SLC9A1: variants seen among roughly 807,000 people sequenced by gnomAD.
The protein encoded by SLC9A1 is sodium/hydrogen exchanger 1.
In SLC9A1, 22 loss-of-function variants were observed where a neutral mutation model predicts 67.9. The observed-to-expected ratio is 0.32, with a 90% CI of 0.23 to 0.46. The LOEUF (loss-of-function observed/expected upper bound fraction) is 0.46. SLC9A1 is among the 20% of genes least tolerant of loss of function. The probability of loss-of-function intolerance (pLI) is 1.00; values close to 1 mark genes in which losing one functional copy is unlikely to be tolerated. For missense variants in SLC9A1, 686 were observed against 1,094.8 expected (o/e 0.63, Z 5.27); for synonymous variants, 421 against 471.8 (o/e 0.89, Z 1.40).
intron 1 of SLC9A1, among the ~76,000 whole-genome samples, chr1:27,152,273 AGTCATGCT>A (rs1001426109): frequency 6.6e-6 from 1 of 152,194 alleles, no homozygotes; most frequent in African/African-American, 2.4e-5. Context: ...GGGTCTCTGC[AGTCATGCT>A]GTCATCCCAC....
rs958670467 is a variant in SLC9A1 at position 27,109,442 on chromosome 1, C to T, written c.1064+85G>A. On this transcript the variant is annotated intron_variant, in intron 3 of 11. Transcript: ENST00000263980. The surrounding 1 kb of genome is among the most constrained non-coding windows in gnomAD (Gnocchi z 5.5). ...GCTCAAGGCTGGGCCCTGGGAGCTC[C>T]GTGAACCTACGAGCCTGGGGAATCC... 6.8e-6 allele frequency: 10 copies of T among 1,464,264 alleles called. No individual in the cohort carries two copies. The highest frequency in any genetic ancestry group is 2.4e-5 in the South Asian group (2 of 84,108). The allele number at this position is 1,464,264 out of a possible 1,614,324, so 90.7% of individuals were successfully genotyped here. A position where few individuals can be genotyped will look rare whatever the true frequency, so the allele number is the denominator to read the frequency against.
intron 1 of SLC9A1, among the ~76,000 whole-genome samples, chr1:27,130,911 C>A (rs779139430): frequency 6.6e-6 from 1 of 152,220 alleles, no homozygotes; most frequent in Non-Finnish European, 1.5e-5. Context: ...GGGCCAAGGG[C>A]TCCAGGCAGG....
intron 1 of SLC9A1, among the ~76,000 whole-genome samples, chr1:27,120,601 G>A (rs909357426): frequency 1.3e-5 from 2 of 151,886 alleles, no homozygotes; most frequent in Non-Finnish European, 2.9e-5. Context: ...AGCCAGGTGT[G>A]GTGGCAGGCG....
intron 1 of SLC9A1, among the ~76,000 whole-genome samples, chr1:27,120,597 G>T (rs1450882244): frequency 6.6e-6 from 1 of 151,934 alleles, no homozygotes; most frequent in Non-Finnish European, 1.5e-5. Flanking sequence ...AATTAGCCAG[G>T]TGTGGTGGCA....
intron 1 of SLC9A1, among the ~76,000 whole-genome samples, chr1:27,139,316 T>C (rs541017131): frequency 6.6e-6 from 1 of 152,264 alleles, no homozygotes; most frequent in East Asian, 1.9e-4. Context: ...TCCAGCCACA[T>C]TTCTCCCCTT....
At chr1:27,124,192 G>T (rs1465460545) in intron 1 of SLC9A1, among the ~76,000 whole-genome samples, 3 of 152,116 alleles carry the variant, frequency 2.0e-5, no homozygotes. Context: ...GGGCAGAGGT[G>T]GGGGAAGAAA....
rs1474344479 is a variant in SLC9A1, at chr1:27,118,489, C to A, written c.353-4203G>T. Among the ~76,000 whole-genome samples, 1 of 152,190 alleles carries A rather than the reference C, an allele frequency of 6.6e-6. No individual in the cohort carries two copies. The highest frequency in any genetic ancestry group is 6.5e-5 in the Admixed American group (1 of 15,278). ...CAACTGCGCTCACTCTGCATCCCTG[C>A]AGAGTCCCCACAAAGAGCAGGATGC... is the stretch of plus-strand genomic sequence containing the variant. On this transcript the variant is annotated intron_variant, in intron 1 of 11. Transcript: ENST00000263980. The surrounding 1 kb of genome is among the most constrained non-coding windows in gnomAD (Gnocchi z 4.3).
Position 27,114,071 on chromosome 1 carries a change from G to C in SLC9A1, c.568C>G (p.Leu190Val). The change falls in exon 2 of 12, where the codon CTG becomes GTG. Residue 190 changes from leucine (L) to valine (V), a missense_variant. Around this residue, in one of 7 missense-constraint regions of SLC9A1, gnomAD observed 49 missense variants for 73.1 expected, o/e 0.67. Transcript: ENST00000263980. This position sits in a 1 kb window ranked among gnomAD's most constrained non-coding sequence, Gnocchi z 5.4. The stretch of plus-strand genomic sequence containing the variant: ...AGCGTGCCCACCACGGCAAAGATCA[G>C]GATGGTGCCCAGGTTTTCTGTGAAC... ...RQFTENLGTI[L>V]IFAVVGTLWN... is the part of the protein sequence containing the mutation. The C allele has an allele frequency of 1.2e-6, 2 of 1,614,158 alleles. No homozygotes were observed. Among genetic ancestry groups the C allele is most frequent in the Non-Finnish European group, 1.7e-6 (2 of 1,180,030 alleles).
intron 1 of SLC9A1, among the ~76,000 whole-genome samples, chr1:27,126,983 T>C (rs1463389872): frequency 6.6e-6 from 1 of 151,542 alleles, no homozygotes; most frequent in East Asian, 1.9e-4. Context: ...GTGGTACAGG[T>C]AGAAGATTTA....
rs1205234900 is a variant in SLC9A1 at position 27,114,049 on chromosome 1, G to A, written c.590C>T (p.Thr197Met). ...GTILIFAVVG[T>M]LWNAFFLGGL... ...GCCCAGGAAGAAGGCGTTCCACAGCGTGCCCACCACGGCAAAGATCAGGAT... is the reference window on the plus strand; with the variant it reads ...GCCCAGGAAGAAGGCGTTCCACAGCATGCCCACCACGGCAAAGATCAGGAT... Residue 197 changes from threonine (T) to methionine (M), a missense_variant, in exon 2 of 12, where the codon ACG becomes ATG. This residue lies in a region of SLC9A1 where 49 missense variants were observed against 73.1 expected (regional missense o/e 0.67). Transcript: ENST00000263980. This position sits in a 1 kb window ranked among gnomAD's most constrained non-coding sequence, Gnocchi z 5.4. 2 of 1,614,004 alleles carry A rather than the reference G, an allele frequency of 1.2e-6. No homozygotes were observed. Among genetic ancestry groups the A allele is most frequent in the Admixed American group, 1.7e-5 (1 of 60,000 alleles).
intron 5 of SLC9A1, among the ~76,000 whole-genome samples, chr1:27,104,401 CGAGAGA>C (rs1051000244): frequency 6.6e-6 from 1 of 151,098 alleles, no homozygotes; most frequent in East Asian, 1.9e-4. Flanking sequence ...TTTCTTAACT[CGAGAGA>C]GAGTCTCACT....
intron 1 of SLC9A1, among the ~76,000 whole-genome samples, chr1:27,129,239 T>C (rs193244876): frequency 6.6e-6 from 1 of 152,252 alleles, no homozygotes; most frequent in East Asian, 1.9e-4. Flanking sequence ...GGGGGTCCCC[T>C]AAGGGTCTCC....
At chr1:27,149,634 G>A (rs1022532906) in intron 1 of SLC9A1, among the ~76,000 whole-genome samples, 1 of 152,226 alleles carries the variant, frequency 6.6e-6, no homozygotes, top group Non-Finnish European at 1.5e-5. Flanking sequence ...GGCCCTGAAA[G>A]TTACTACAGT....
chr1:27,120,351 C>T (rs2083296824), intron 1 of SLC9A1, among the ~76,000 whole-genome samples: 1 of 151,112 alleles, frequency 6.6e-6, no homozygotes. Context: ...GTCTCAAACT[C>T]CTGACCTCAG....
rs1281328102 is a variant in SLC9A1 at position 27,098,812 on chromosome 1, A to G, written c.*1495T>C. On this transcript the variant is annotated 3_prime_UTR_variant, in exon 12 of 12. Coordinates refer to ENST00000263980, the MANE Select transcript of SLC9A1 (RefSeq NM_003047.5). ...TCCCCAGAAAGCAGCCCTTGACTCT[A>G]TTAAAAACTCACATTGATTTATTAG... The G allele has an allele frequency of 6.6e-6, 1 of 152,402 alleles. No individual in the cohort carries two copies. The allele number at this position is 152,402 out of a possible 1,614,324, so 9.4% of individuals were successfully genotyped here. A position where few individuals can be genotyped will look rare whatever the true frequency, so the allele number is the denominator to read the frequency against.
chr1:27,142,491 G>A (rs547999590), intron 1 of SLC9A1, among the ~76,000 whole-genome samples: 144 of 152,358 alleles, frequency 9.5e-4, no homozygotes, highest in Non-Finnish European at 1.7e-3. Flanking sequence ...GGAAACAGCA[G>A]AGGCCAGTCA....
rs932338189 is a variant in SLC9A1 at position 27,154,065 on chromosome 1, T to C, written c.270A>G (p.Pro90=). The C allele has an allele frequency of 6.2e-7, 1 of 1,612,890 alleles. No individual in the cohort carries two copies. Among genetic ancestry groups the C allele is most frequent in the African/African-American group, 1.3e-5 (1 of 74,868 alleles). ...CGTGTGTGTAGTCGATGCCCAGGAC[T>C]GGAAAGGCCTTGCGCGGCTTCATGC... ...DHGMKPRKAF[P]VLGIDYTHVR... is the part of the protein sequence containing the mutation. The change falls in exon 1 of 12, where the codon CCA becomes CCG. Residue 90 remains proline (P), a synonymous_variant. Coordinates refer to ENST00000263980, the MANE Select transcript of SLC9A1 (RefSeq NM_003047.5).
chr1:27,099,975 T>C lies in SLC9A1; in HGVS notation c.*332A>G, dbSNP rs2083127746. The C allele has an allele frequency of 6.5e-6, 2 of 306,282 alleles. No individual in the cohort carries two copies. The highest frequency in any genetic ancestry group is 2.8e-4 in the South Asian group (2 of 7,120). 19.0% of individuals were successfully genotyped at this position (306,282 alleles called of 1,614,324 possible). A position where few individuals can be genotyped will look rare whatever the true frequency, so the allele number is the denominator to read the frequency against. ...CTTTGGTTAGAAACTAAGATTGGTC[T>C]GAATGAGGAGGAGGATGAGGCAGAG... On this transcript the variant is annotated 3_prime_UTR_variant, in exon 12 of 12. Transcript: ENST00000263980.
intron 2 of SLC9A1, among the ~76,000 whole-genome samples, chr1:27,110,991 A>C (rs2083223839): frequency 6.6e-6 from 1 of 152,222 alleles, no homozygotes; most frequent in Admixed American, 6.5e-5. Context: ...ACCTGAGACC[A>C]GGCAGCTCAG....
Sources: gnomAD v4.1 joint callset for allele counts (sites outside exome capture counted in the v4.1 genomes callset) on GRCh38, gnomAD v4.1.1 for gene constraint, gnomAD v4.1.1 regional missense constraint, Gnocchi (gnomAD v3.1) non-coding constraint, MANE v1.5 for transcripts, NCBI Gene and HGNC (gene_info 2026-07-23, HGNC 2026-07-21) for gene names.